The following PPP2R1A variants were observed in gnomAD, a reference collection of about 807,000 sequenced individuals.
The protein encoded by PPP2R1A is protein phosphatase 2 scaffold subunit Aalpha, also known as serine/threonine-protein phosphatase 2A 65 kDa regulatory subunit A alpha isoform.
A neutral mutation model predicts 67.1 loss-of-function variants in PPP2R1A; 15 were observed. That is an observed-to-expected ratio of 0.22 (90% CI 0.15 to 0.34). The LOEUF (loss-of-function observed/expected upper bound fraction) is 0.34, where lower values mean the gene tolerates loss of function less well. Ranked by LOEUF, PPP2R1A falls within the 10% of genes least tolerant of loss-of-function variation. The pLI, the probability that PPP2R1A is intolerant of heterozygous loss-of-function variation, is 1.00. For synonymous variants in PPP2R1A, 337 were observed against 325.0 expected (o/e 1.04, Z -0.40); for missense variants, 369 against 775.0 (o/e 0.48, Z 6.22).
intron 6 of PPP2R1A, 84 bp from the exon 7 acceptor site, chr19:52,215,695 T>C: frequency 9.1e-7 from 1 of 1,096,778 alleles, no homozygotes; most frequent in Non-Finnish European, 1.4e-6. Context: ...CTAATTCTGG[T>C]GCCTTCACTT....
intron 1 of PPP2R1A, among the ~76,000 whole-genome samples, chr19:52,197,886 T>C (rs2089510618): frequency 6.6e-6 from 1 of 152,160 alleles, no homozygotes; most frequent in Non-Finnish European, 1.5e-5. Context: ...AATTAAAACA[T>C]TAAAGCCTGG....
intron 1 of PPP2R1A, among the ~76,000 whole-genome samples, chr19:52,197,397 G>A (rs1442540601): frequency 6.6e-6 from 1 of 151,986 alleles, no homozygotes; most frequent in Non-Finnish European, 1.5e-5. Context: ...AAAAAAAGCC[G>A]GGTGCAGTGG....
chr19:52,226,529 T>A lies in PPP2R1A; in HGVS notation c.*548T>A, dbSNP rs1979274352. Reference sequence around the variant, plus strand: ...CTTGTTACAGGACCCATTATACCCCTATGTCCCGAAAGAATACTCTGGGGA... The same window carrying A: ...CTTGTTACAGGACCCATTATACCCCAATGTCCCGAAAGAATACTCTGGGGA... On this transcript the variant is annotated 3_prime_UTR_variant, in exon 15 of 15. Transcript: ENST00000322088. The A allele has an allele frequency of 4.7e-6, 1 of 214,940 alleles. No homozygotes were observed. The highest frequency in any genetic ancestry group is 7.1e-5 in the East Asian group (1 of 14,096). The allele number at this position is 214,940 out of a possible 1,614,324, so 13.3% of individuals were successfully genotyped here. A position where few individuals can be genotyped will look rare whatever the true frequency, so the allele number is the denominator to read the frequency against.
rs112320911 is a variant in PPP2R1A at position 52,213,547 on chromosome 19, A to G, written c.807+437A>G. On this transcript the variant is annotated intron_variant, in intron 6 of 14. Transcript: ENST00000322088. The surrounding 1 kb of genome is among the most constrained non-coding windows in gnomAD (Gnocchi z 4.2). ...TACCCAGCTGGAGTGTGGTGGCGCA[A>G]TCTTGGCTCACTGCAGCCTGTCCCT... Among the ~76,000 whole-genome samples the G allele has an allele frequency of 5.5e-3, 786 of 141,654 alleles. 12 individuals are homozygous for G. Among genetic ancestry groups the G allele is most frequent in the African/African-American group, 0.02 (741 of 37,312 alleles). 92.9% of individuals were successfully genotyped at this position (141,654 alleles called of 152,430 possible). A position where few individuals can be genotyped will look rare whatever the true frequency, so the allele number is the denominator to read the frequency against.
At chr19:52,193,628 C>G (rs2089473118) in intron 1 of PPP2R1A, among the ~76,000 whole-genome samples, 1 of 151,984 alleles carries the variant, frequency 6.6e-6, no homozygotes, top group Non-Finnish European at 1.5e-5. Context: ...CTCTGTCGTC[C>G]AGGCCGTCTC....
At chr19:52,204,394 G>A (rs2089581691) in intron 2 of PPP2R1A, among the ~76,000 whole-genome samples, 1 of 152,134 alleles carries the variant, frequency 6.6e-6, no homozygotes, top group Non-Finnish European at 1.5e-5. Flanking sequence ...AGGAAAACCA[G>A]GTAAGAAGCT....
chr19:52,222,734 G>C (rs536372047), intron 13 of PPP2R1A, among the ~76,000 whole-genome samples: 1 of 152,148 alleles, frequency 6.6e-6, no homozygotes, highest in Non-Finnish European at 1.5e-5. Flanking sequence ...AAAATTAGCC[G>C]GTGCGGTAGC....
intron 3 of PPP2R1A, among the ~76,000 whole-genome samples, chr19:52,209,107 G>A (rs889733927): frequency 6.6e-6 from 1 of 152,194 alleles, no homozygotes; most frequent in Non-Finnish European, 1.5e-5. Context: ...AGGGTGGTCA[G>A]GGATCATCCT....
rs1428980249 is a variant in PPP2R1A, at chr19:52,213,455, G to GTTTTTTT, written c.807+346_807+347insTTTTTTT. ...CAGCCCAAAAAGGTGGGGTTTTTTG[G>GTTTTTTT]TGTTTTTTTTTTTTTTTTTTTTTTT... On this transcript the variant is annotated intron_variant, in intron 6 of 14. Coordinates refer to ENST00000322088, the MANE Select transcript of PPP2R1A (RefSeq NM_014225.6). The surrounding 1 kb of genome is among the most constrained non-coding windows in gnomAD (Gnocchi z 4.2). 8.9e-6 allele frequency among the ~76,000 whole-genome samples: 1 copy of GTTTTTTT among 112,930 alleles called. No homozygotes were observed. The allele number at this position is 112,930 out of a possible 152,430, so 74.1% of individuals were successfully genotyped here. A position where few individuals can be genotyped will look rare whatever the true frequency, so the allele number is the denominator to read the frequency against.
In PPP2R1A at chr19:52,227,691, G is replaced by A. The variant is rs544598169; in HGVS notation, c.*1710G>A. ...CCTACCCTTTGTTAGACTTTATTGTGCCCTAGGGGATGAGGCTGAAGGAGA... is the reference window on the plus strand; with the variant it reads ...CCTACCCTTTGTTAGACTTTATTGTACCCTAGGGGATGAGGCTGAAGGAGA... On this transcript the variant is annotated 3_prime_UTR_variant, in exon 15 of 15. Coordinates refer to ENST00000322088, the MANE Select transcript of PPP2R1A (RefSeq NM_014225.6). 1 of 152,276 alleles carries A rather than the reference G, an allele frequency of 6.6e-6. No individual in the cohort carries two copies. The highest frequency in any genetic ancestry group is 1.9e-4 in the East Asian group (1 of 5,186). The allele number at this position is 152,276 out of a possible 1,614,324, so 9.4% of individuals were successfully genotyped here. A position where few individuals can be genotyped will look rare whatever the true frequency, so the allele number is the denominator to read the frequency against.
chr19:52,201,820 T>C, intron 1 of PPP2R1A, 124 bp from the exon 2 acceptor site: 2 of 796,472 alleles, frequency 2.5e-6, no homozygotes, highest in East Asian at 2.6e-5. Context: ...GCCAAATTAC[T>C]CTTGAGCATC....
At position 52,212,817 on chromosome 19, in the gene PPP2R1A, T is replaced by G; in HGVS notation, c.635T>G (p.Leu212Arg). ...KSEIIPMFSN[L>R]ASDEQDSVRL... ...GAGATCATCCCCATGTTCTCCAACC[T>G]GGCCTCTGACGAGCAGGTGAGTTTT... Residue 212 changes from leucine to arginine, a missense_variant, in exon 5 of 15, where the codon CTG (leucine) becomes CGG (arginine). Physicochemically the swap from Leu to Arg is moderately radical, Grantham distance 102. Around this residue, in one of 2 missense-constraint regions of PPP2R1A, gnomAD observed 276 missense variants for 508.4 expected, o/e 0.54. Coordinates refer to ENST00000322088, the MANE Select transcript of PPP2R1A (RefSeq NM_014225.6). The surrounding 1 kb of genome is among the most constrained non-coding windows in gnomAD (Gnocchi z 4.1). 6.2e-7 allele frequency: 1 copy of G among 1,605,346 alleles called. No homozygotes were observed. Among genetic ancestry groups the G allele is most frequent in the Non-Finnish European group, 8.5e-7 (1 of 1,174,432 alleles).
intron 6 of PPP2R1A, 145 bp from the exon 7 acceptor site, chr19:52,215,634 T>C: frequency 3.0e-6 from 2 of 657,696 alleles, no homozygotes; most frequent in South Asian, 3.8e-5. Context: ...GGGCCAGTCT[T>C]GGCACTCGAA....
At chr19:52,217,143 T>C (rs1227588028) in intron 9 of PPP2R1A, among the ~76,000 whole-genome samples, 4 of 152,104 alleles carry the variant, frequency 2.6e-5, no homozygotes, top group African/African-American at 9.7e-5. Flanking sequence ...TGAGCCAAGA[T>C]TGCACCACTG....
intron 1 of PPP2R1A, chr19:52,200,126 C>T (rs1342388271): frequency 6.6e-6 from 1 of 152,228 alleles, no homozygotes; most frequent in Non-Finnish European, 1.5e-5. Context: ...GCTAAGGGAG[C>T]TCCTGCTCCT....
In PPP2R1A at chr19:52,225,704, T is replaced by A. The variant is rs1241810494; in HGVS notation, c.1662-13T>A. 1 of 1,613,042 alleles carries A rather than the reference T, an allele frequency of 6.2e-7. No individual in the cohort carries two copies. The highest frequency in any genetic ancestry group is 8.5e-7 in the Non-Finnish European group (1 of 1,179,128). ...GCTCACCCTCTCTCTCCCTGTCTCC[T>A]TTCGCTTTCCAGCACCTTGCAGAGT... is the stretch of plus-strand genomic sequence containing the variant. On this transcript the variant is annotated splice_polypyrimidine_tract_variant and intron_variant, in intron 13 of 14. Coordinates refer to ENST00000322088, the MANE Select transcript of PPP2R1A (RefSeq NM_014225.6).
chr19:52,216,408 C>T lies in PPP2R1A; in HGVS notation c.994-121C>T. 3 of 1,324,540 alleles carry T rather than the reference C, an allele frequency of 2.3e-6. No homozygotes were observed. The highest frequency in any genetic ancestry group is 3.1e-6 in the Non-Finnish European group (3 of 958,734). The allele number at this position is 1,324,540 out of a possible 1,614,324, so 82.0% of individuals were successfully genotyped here. A position where few individuals can be genotyped will look rare whatever the true frequency, so the allele number is the denominator to read the frequency against. On this transcript the variant is annotated intron_variant, in intron 8 of 14. Transcript: ENST00000322088. The surrounding 1 kb of genome is among the most constrained non-coding windows in gnomAD (Gnocchi z 4.3). The stretch of plus-strand genomic sequence containing the variant: ...ATTTCCCCTGTACCCTAAGCCATCC[C>T]CTGCTCTATGAATGAGAGGGGCAGA...
chr19:52,210,497 T>C (rs941874652), intron 3 of PPP2R1A, among the ~76,000 whole-genome samples: 5 of 149,338 alleles, frequency 3.3e-5, no homozygotes, highest in Non-Finnish European at 7.4e-5. Flanking sequence ...TTTTTTTTTT[T>C]TTTTTTTCTT....
At chr19:52,208,656 T>C (rs1057478129) in intron 3 of PPP2R1A, among the ~76,000 whole-genome samples, 2 of 152,140 alleles carry the variant, frequency 1.3e-5, no homozygotes, top group African/African-American at 4.8e-5. Flanking sequence ...CCCATCACCA[T>C]GCCTGGCTAA....
Sources: allele counts gnomAD v4.1 joint callset (sites outside exome capture counted in the v4.1 genomes callset), GRCh38; gene constraint gnomAD v4.1.1; regional missense constraint gnomAD v4.1.1; non-coding constraint Gnocchi (gnomAD v3.1); transcripts MANE v1.5; gene names NCBI Gene and HGNC (gene_info 2026-07-23, HGNC 2026-07-21).